BMP2K: variants seen among roughly 807,000 people sequenced by gnomAD.
The protein encoded by BMP2K is BMP-2-inducible protein kinase.
BMP2K carries 74 observed loss-of-function variants against 116.0 expected under a neutral mutation model. That is an observed-to-expected ratio of 0.64 (90% CI 0.53 to 0.77). The LOEUF is 0.77. Ranked by LOEUF, BMP2K falls within the 30% of genes least tolerant of loss-of-function variation. The probability of loss-of-function intolerance (pLI) is 0.00; values close to 1 mark genes in which losing one functional copy is unlikely to be tolerated. For missense variants in BMP2K, 1,365 were observed against 1,403.6 expected (o/e 0.97, Z 0.44); for synonymous variants, 486 against 502.5 (o/e 0.97, Z 0.44).
intron 15 of BMP2K, among the ~76,000 whole-genome samples, chr4:78,909,568 A>C (rs1409469635): frequency 2.0e-5 from 3 of 151,876 alleles, no homozygotes; most frequent in African/African-American, 7.3e-5. Flanking sequence ...ACAATAGCCT[A>C]TTTTCAGCCC....
intron 1 of BMP2K, among the ~76,000 whole-genome samples, chr4:78,821,519 G>A (rs1341302606): frequency 2.6e-5 from 4 of 152,046 alleles, no homozygotes; most frequent in African/African-American, 9.7e-5. Context: ...TGTTTTTTTA[G>A]GACTACACTC....
intron 4 of BMP2K, among the ~76,000 whole-genome samples, chr4:78,843,025 C>T (rs1394721613): frequency 6.6e-6 from 1 of 151,836 alleles, no homozygotes; most frequent in Admixed American, 6.6e-5. Flanking sequence ...TTGAAGGTCA[C>T]TTCATCTTCT....
rs886592867 is a variant in BMP2K at position 78,912,635 on chromosome 4, T to C, written c.*602T>C. On this transcript the variant is annotated 3_prime_UTR_variant, in exon 16 of 16. Coordinates refer to ENST00000502613, the MANE Select transcript of BMP2K (RefSeq NM_198892.2). ...GTTTCATTTTTAAAAACAAGTGCCA[T>C]TAAAATGGAATATCTAATGATAAGC... The C allele has an allele frequency of 1.3e-5, 2 of 152,190 alleles. No homozygotes were observed. The highest frequency in any genetic ancestry group is 6.5e-5 in the Admixed American group (1 of 15,280). The allele number at this position is 152,190 out of a possible 1,614,324, so 9.4% of individuals were successfully genotyped here.
At chr4:78,840,828 T>C (rs1354404501) in intron 3 of BMP2K, among the ~76,000 whole-genome samples, 1 of 152,228 alleles carries the variant, frequency 6.6e-6, no homozygotes, top group Non-Finnish European at 1.5e-5. Context: ...AAATTTATTC[T>C]GCTTATTTTA....
chr4:78,786,661 C>A (rs1170518458), intron 1 of BMP2K, among the ~76,000 whole-genome samples: 1 of 152,128 alleles, frequency 6.6e-6, no homozygotes, highest in African/African-American at 2.4e-5. Flanking sequence ...CTGGCCTCCA[C>A]CACTCTGTTA....
intron 15 of BMP2K, among the ~76,000 whole-genome samples, chr4:78,905,488 A>G (rs1247265273): frequency 6.6e-6 from 1 of 151,956 alleles, no homozygotes; most frequent in Non-Finnish European, 1.5e-5. Flanking sequence ...TAAATGAGTT[A>G]TGATTCTGTG....
At chr4:78,860,387 T>TCA (rs1731715027) in intron 8 of BMP2K, among the ~76,000 whole-genome samples, 1 of 151,926 alleles carries the variant, frequency 6.6e-6, no homozygotes, top group Non-Finnish European at 1.5e-5. Flanking sequence ...GATTCAGTTT[T>TCA]GTCCTTATCA....
chr4:78,779,828 G>A (rs1209388079), intron 1 of BMP2K, among the ~76,000 whole-genome samples: 1 of 152,130 alleles, frequency 6.6e-6, no homozygotes, highest in Admixed American at 6.6e-5. Flanking sequence ...TTGTAGTCAA[G>A]CACATAAGTG....
intron 14 of BMP2K, among the ~76,000 whole-genome samples, chr4:78,885,391 C>T (rs1733025861): frequency 6.6e-6 from 1 of 152,080 alleles, no homozygotes; most frequent in Non-Finnish European, 1.5e-5. Context: ...CACTGGGGGG[C>T]TAGTTGAAGT....
intron 1 of BMP2K, among the ~76,000 whole-genome samples, chr4:78,819,481 A>G (rs1040150041): frequency 2.0e-5 from 3 of 152,218 alleles, no homozygotes; most frequent in Admixed American, 6.5e-5. Context: ...GAGTAGTCCT[A>G]TGAGGAGACC....
At chr4:78,885,395 T>C (rs1191445609) in intron 14 of BMP2K, among the ~76,000 whole-genome samples, 3 of 152,282 alleles carry the variant, frequency 2.0e-5, no homozygotes, top group Admixed American at 6.5e-5. Flanking sequence ...GGGGGGCTAG[T>C]TGAAGTGTGG....
intron 2 of BMP2K, among the ~76,000 whole-genome samples, chr4:78,833,295 C>A (rs569681801): frequency 1.3e-5 from 2 of 152,136 alleles, no homozygotes; most frequent in East Asian, 3.9e-4. Flanking sequence ...ATTTTATTCT[C>A]AAGTTCTTTG....
intron 15 of BMP2K, among the ~76,000 whole-genome samples, chr4:78,896,447 C>G (rs1296651872): frequency 6.6e-6 from 1 of 152,222 alleles, no homozygotes; most frequent in Non-Finnish European, 1.5e-5. Context: ...CACCTACTTG[C>G]TGTGTGTATC....
chr4:78,876,859 G>A (rs1315596785), intron 13 of BMP2K, among the ~76,000 whole-genome samples: 1 of 152,160 alleles, frequency 6.6e-6, no homozygotes, highest in African/African-American at 2.4e-5. Context: ...ATCATAGAGT[G>A]CATTTACACA....
At chr4:78,850,786 A>AT (rs1053810781) in intron 6 of BMP2K, 138 bp from the exon 7 acceptor site, 15 of 750,330 alleles carry the variant, frequency 2.0e-5, no homozygotes, top group African/African-American at 5.5e-5. Context: ...AAATATATTA[A>AT]TTTTTTTAAG....
Position 78,887,173 on chromosome 4 carries a change from G to A in BMP2K, c.1952-1G>A. The A allele has an allele frequency of 6.3e-7, 1 of 1,582,252 alleles. No individual in the cohort carries two copies. The highest frequency in any genetic ancestry group is 1.2e-5 in the South Asian group (1 of 86,274). ...TATTTCGTTTCATCTTATTTTTGCA[G>A]ATAGGCTCGAGGAGAGAGCATCCTC... On this transcript the variant is annotated splice_acceptor_variant, in intron 14 of 15. Coordinates refer to ENST00000502613, the MANE Select transcript of BMP2K (RefSeq NM_198892.2). LOFTEE classifies it high-confidence loss of function.
chr4:78,796,277 A>G (rs1482318682), intron 1 of BMP2K, among the ~76,000 whole-genome samples: 2 of 151,570 alleles, frequency 1.3e-5, no homozygotes, highest in Non-Finnish European at 2.9e-5. Flanking sequence ...TCAGTAAACT[A>G]TTGCAAGAAC....
chr4:78,808,560 C>G (rs1728935022), intron 1 of BMP2K, among the ~76,000 whole-genome samples: 1 of 152,124 alleles, frequency 6.6e-6, no homozygotes, highest in East Asian at 1.9e-4. Context: ...GCCACCATGC[C>G]CGGCCGCTTC....
At chr4:78,821,395 A>G (rs560826795) in intron 1 of BMP2K, among the ~76,000 whole-genome samples, 41 of 152,174 alleles carry the variant, frequency 2.7e-4, no homozygotes, top group African/African-American at 6.7e-4. Flanking sequence ...ACTGTTTCCA[A>G]TTTCCATTTG....
Sources: allele counts gnomAD v4.1 joint callset (sites outside exome capture counted in the v4.1 genomes callset), GRCh38; gene constraint gnomAD v4.1.1; transcripts MANE v1.5; gene names NCBI Gene and HGNC (gene_info 2026-07-23, HGNC 2026-07-21).